Variants in SLC8A3 observed in about 807,000 individuals in gnomAD.
SLC8A3 encodes the protein solute carrier family 8 member A3.
SLC8A3 carries 37 observed loss-of-function variants against 65.4 expected under a neutral mutation model. The observed-to-expected ratio is 0.57, with a 90% CI of 0.44 to 0.74. The LOEUF is 0.74. Ranked by LOEUF, SLC8A3 falls within the 30% of genes least tolerant of loss-of-function variation. The pLI, the probability that SLC8A3 is intolerant of heterozygous loss-of-function variation, is 0.00. For missense variants in SLC8A3, 1,112 were observed against 1,172.1 expected (o/e 0.95, Z 0.75); for synonymous variants, 461 against 444.5 (o/e 1.04, Z -0.47).
intron 2 of SLC8A3, among the ~76,000 whole-genome samples, chr14:70,104,065 C>T (rs547102085): frequency 5.9e-5 from 9 of 151,884 alleles, no homozygotes; most frequent in Admixed American, 2.0e-4. Context: ...AATAACGGAA[C>T]CAATTCATCA....
intron 2 of SLC8A3, among the ~76,000 whole-genome samples, chr14:70,083,174 C>T (rs1288549764): frequency 6.6e-6 from 1 of 152,220 alleles, no homozygotes; most frequent in Non-Finnish European, 1.5e-5. Context: ...TAGATTCTGA[C>T]CACATACGTA....
At chr14:70,063,361 A>T (rs1364992890) in intron 2 of SLC8A3, among the ~76,000 whole-genome samples, 3 of 152,142 alleles carry the variant, frequency 2.0e-5, no homozygotes, top group Admixed American at 6.5e-5. Context: ...CTGGGACTCT[A>T]AGTTTAGCCC....
rs558255843 is a variant in SLC8A3 at position 70,151,060 on chromosome 14, C to CA, written c.1784+15578_1784+15579insT. Among the ~76,000 whole-genome samples the CA allele has an allele frequency of 2.8e-3, 430 of 152,210 alleles. 3 individuals carry two copies. The highest frequency in any genetic ancestry group is 4.4e-3 in the Non-Finnish European group (297 of 68,012). ...ACGAGGTCAGGAGTTCAAGACCAGC[C>CA]TGGCCAACATGGTGAAACCCCACCT... is the stretch of plus-strand genomic sequence containing the variant. On this transcript the variant is annotated intron_variant, in intron 2 of 6. Coordinates refer to ENST00000356921, the MANE Select transcript of SLC8A3 (RefSeq NM_182932.3).
At chr14:70,090,195 C>T (rs1891713022) in intron 2 of SLC8A3, among the ~76,000 whole-genome samples, 1 of 152,194 alleles carries the variant, frequency 6.6e-6, no homozygotes, top group South Asian at 2.1e-4. Flanking sequence ...CTTTGATCAA[C>T]ACATTGGCTG....
chr14:70,186,609 C>G (rs1030257266), intron 1 of SLC8A3, among the ~76,000 whole-genome samples: 1 of 152,196 alleles, frequency 6.6e-6, no homozygotes, highest in East Asian at 1.9e-4. Flanking sequence ...CCTCTCAACC[C>G]AGTATCTACA....
intron 2 of SLC8A3, among the ~76,000 whole-genome samples, chr14:70,070,805 C>A (rs1193026079): frequency 6.6e-6 from 1 of 152,180 alleles, no homozygotes. Context: ...AGGACTACAG[C>A]CAGTGGTGAG....
Position 70,098,309 on chromosome 14 carries a change from A to T in SLC8A3, c.1785-37370T>A, listed in dbSNP as rs865888373. Among the ~76,000 whole-genome samples, 12 of 1,710 alleles carry T rather than the reference A, an allele frequency of 7.0e-3. No individual in the cohort carries two copies. In the South Asian group the frequency reaches 0.15, roughly 21 times the overall value. 1.1% of individuals were successfully genotyped at this position (1,710 alleles called of 152,430 possible). A position where few individuals can be genotyped will look rare whatever the true frequency, so the allele number is the denominator to read the frequency against. ...TCCTTCTTTTTCTCACTTTTTTTTAAAAAAAACCCTCTGCCTATACAGTCA... is the reference window on the plus strand; with the variant it reads ...TCCTTCTTTTTCTCACTTTTTTTTATAAAAAACCCTCTGCCTATACAGTCA... On this transcript the variant is annotated intron_variant, in intron 2 of 6. Coordinates refer to ENST00000356921, the MANE Select transcript of SLC8A3 (RefSeq NM_182932.3).
intron 2 of SLC8A3, among the ~76,000 whole-genome samples, chr14:70,090,416 A>T (rs1891727058): frequency 1.3e-5 from 2 of 152,228 alleles, no homozygotes; most frequent in Non-Finnish European, 2.9e-5. Context: ...CCGTTCACAG[A>T]TAAAAGAACG....
intron 2 of SLC8A3, among the ~76,000 whole-genome samples, chr14:70,081,451 C>A (rs889170831): frequency 6.6e-6 from 1 of 152,204 alleles, no homozygotes; most frequent in African/African-American, 2.4e-5. Flanking sequence ...TCTGATTCCT[C>A]GAGCTCATTT....
chr14:70,092,901 A>G (rs1338008299), intron 2 of SLC8A3, among the ~76,000 whole-genome samples: 1 of 152,228 alleles, frequency 6.6e-6, no homozygotes, highest in African/African-American at 2.4e-5. Context: ...CTTTGCAACC[A>G]AAGAATCCTC....
chr14:70,178,211 G>T (rs1474084714), intron 1 of SLC8A3, among the ~76,000 whole-genome samples: 2 of 152,302 alleles, frequency 1.3e-5, no homozygotes, highest in East Asian at 1.9e-4. Flanking sequence ...TATCTTCTTA[G>T]CTTTAGGACT....
At chr14:70,094,617 T>C (rs946391936) in intron 2 of SLC8A3, among the ~76,000 whole-genome samples, 1 of 152,216 alleles carries the variant, frequency 6.6e-6, no homozygotes, top group Non-Finnish European at 1.5e-5. Context: ...TGAGCTATAC[T>C]CCTTCCCAGC....
At chr14:70,084,966 G>T (rs1365741951) in intron 2 of SLC8A3, among the ~76,000 whole-genome samples, 2 of 152,178 alleles carry the variant, frequency 1.3e-5, no homozygotes, top group African/African-American at 4.8e-5. Context: ...GTAGGGGAAG[G>T]ATGGAAAAAG....
At chr14:70,132,591 A>G (rs1894914015) in intron 2 of SLC8A3, among the ~76,000 whole-genome samples, 2 of 152,168 alleles carry the variant, frequency 1.3e-5, no homozygotes, top group Non-Finnish European at 2.9e-5. Flanking sequence ...CAGGAGGCAA[A>G]TGTGGATGAA....
At position 70,166,808 on chromosome 14, in the gene SLC8A3, T is replaced by C; in HGVS notation, c.1615A>G (p.Ile539Val). 1 of 1,613,982 alleles carries C rather than the reference T, an allele frequency of 6.2e-7. No homozygotes were observed. The highest frequency in any genetic ancestry group is 1.1e-5 in the South Asian group (1 of 91,070). Residue 539 changes from isoleucine (I) to valine (V), a missense_variant, in exon 2 of 7, where the codon ATT (isoleucine) becomes GTT (valine). Transcript: ENST00000356921. ...AGIFTFECDT[I>V]HVSESIGVME... The stretch of plus-strand genomic sequence containing the variant: ...ACACCAATACTCTCACTGACATGAA[T>C]AGTATCACATTCAAAAGTGAAGATG...
intron 2 of SLC8A3, among the ~76,000 whole-genome samples, chr14:70,102,521 C>T (rs1892610519): frequency 1.3e-5 from 2 of 151,950 alleles, no homozygotes; most frequent in Admixed American, 1.3e-4. Flanking sequence ...GAAAATAACC[C>T]CAAGATGACT....
At chr14:70,186,862 G>C (rs1883271231) in intron 1 of SLC8A3, among the ~76,000 whole-genome samples, 1 of 152,182 alleles carries the variant, frequency 6.6e-6, no homozygotes, top group African/African-American at 2.4e-5. Context: ...GCCCATAAAG[G>C]GTGAACTGAT....
chr14:70,051,065 C>G lies in SLC8A3; in HGVS notation c.2056G>C (p.Val686Leu), dbSNP rs374077897. Residue 686 changes from valine (V) to leucine (L), a missense_variant, in exon 5 of 7, where the codon GTT (valine) becomes CTT (leucine). Val to Leu is a conservative substitution (Grantham distance 32, BLOSUM62 1). Coordinates refer to ENST00000356921, the MANE Select transcript of SLC8A3 (RefSeq NM_182932.3). Reference sequence around the variant, plus strand: ...TCCCTCCAGGAATGGGTCCCCACAACCAAGGCCAGGTTTGTCTTCTTGATC... The same window carrying G: ...TCCCTCCAGGAATGGGTCCCCACAAGCAAGGCCAGGTTTGTCTTCTTGATC... The part of the protein sequence containing the change: ...KLIKKTNLAL[V>L]VGTHSWRDQF... 2 of 1,613,784 alleles carry G rather than the reference C, an allele frequency of 1.2e-6. No individual in the cohort carries two copies. The highest frequency in any genetic ancestry group is 3.3e-5 in the Admixed American group (2 of 60,020).
intron 1 of SLC8A3, among the ~76,000 whole-genome samples, chr14:70,176,337 A>G (rs1294716639): frequency 6.6e-6 from 1 of 152,254 alleles, no homozygotes; most frequent in African/African-American, 2.4e-5. Flanking sequence ...CCAGGATCAC[A>G]TTCTAGAGAT....
Sources: gnomAD v4.1 joint callset for allele counts (sites outside exome capture counted in the v4.1 genomes callset) on GRCh38, gnomAD v4.1.1 for gene constraint, MANE v1.5 for transcripts, NCBI Gene and HGNC (gene_info 2026-07-23, HGNC 2026-07-21) for gene names.